The following ARFGEF3 variants were observed in gnomAD, a reference collection of about 807,000 sequenced individuals.
The protein encoded by ARFGEF3 is brefeldin A-inhibited guanine nucleotide-exchange protein 3.
ARFGEF3 carries 96 observed loss-of-function variants against 221.7 expected under a neutral mutation model. The ratio of observed to expected loss-of-function variants is 0.43; its 90% CI spans 0.37 to 0.51. The LOEUF is 0.51. Ranked by LOEUF, ARFGEF3 falls within the 20% of genes least tolerant of loss-of-function variation. ARFGEF3 has a pLI of 0.00. For missense variants in ARFGEF3, 2,410 were observed against 2,789.9 expected (o/e 0.86, Z 3.07); for synonymous variants, 1,145 against 1,126.8 (o/e 1.02, Z -0.32).
At position 138,226,618 on chromosome 6, in the gene ARFGEF3, A is replaced by G. The variant is rs954826610; in HGVS notation, c.352-3166A>G. Among the ~76,000 whole-genome samples, 4 of 152,128 alleles carry G rather than the reference A, an allele frequency of 2.6e-5. No homozygotes were observed. The East Asian group carries it at 7.7e-4, about 29-fold the overall frequency. ...ATATGCTTTAATGACCCTGTGAAGGATATATTTTTAATAAAATTGCCCTCA... is the reference window on the plus strand; with the variant it reads ...ATATGCTTTAATGACCCTGTGAAGGGTATATTTTTAATAAAATTGCCCTCA... On this transcript the variant is annotated intron_variant, in intron 4 of 33. Transcript: ENST00000251691.
chr6:138,284,929 C>T (rs1347417718), intron 14 of ARFGEF3, among the ~76,000 whole-genome samples: 25 of 152,186 alleles, frequency 1.6e-4, no homozygotes, highest in Non-Finnish European at 2.9e-5. Context: ...CTGTAAGCAG[C>T]TGTCATAACA....
rs76146978 is a variant in ARFGEF3, at chr6:138,257,640, T to C, written c.1104+1871T>C. On this transcript the variant is annotated intron_variant, in intron 10 of 33. Transcript: ENST00000251691. ...CCCACGGTCTTTTCCTGTATCATCCTTATCACTGGACATGACTCTCACATT... is the reference window on the plus strand; with the variant it reads ...CCCACGGTCTTTTCCTGTATCATCCCTATCACTGGACATGACTCTCACATT... Among the ~76,000 whole-genome samples the C allele has an allele frequency of 4.0e-3, 606 of 152,278 alleles. 7 individuals are homozygous for C. The highest frequency in any genetic ancestry group is 0.014 in the African/African-American group (575 of 41,556).
intron 2 of ARFGEF3, among the ~76,000 whole-genome samples, chr6:138,184,986 A>G (rs1425399727): frequency 6.6e-6 from 1 of 152,188 alleles, no homozygotes; most frequent in Non-Finnish European, 1.5e-5. Context: ...GCCTTCCATT[A>G]TTTTCCAATG....
intron 10 of ARFGEF3, among the ~76,000 whole-genome samples, chr6:138,258,670 A>G (rs1778731540): frequency 6.6e-6 from 1 of 152,258 alleles, no homozygotes; most frequent in Non-Finnish European, 1.5e-5. Flanking sequence ...TTTTGTATAT[A>G]GATTGCTTCT....
Position 138,262,565 on chromosome 6 carries a change from A to T in ARFGEF3, c.1218-136A>T, listed in dbSNP as rs77797832. 5.7e-3 allele frequency: 4,854 copies of T among 856,260 alleles called. 101 individuals carry two copies. The highest frequency in any genetic ancestry group is 0.041 in the East Asian group (1,574 of 38,346). The allele number at this position is 856,260 out of a possible 1,614,324, so 53.0% of individuals were successfully genotyped here. A position where few individuals can be genotyped will look rare whatever the true frequency, so the allele number is the denominator to read the frequency against. On this transcript the variant is annotated intron_variant, in intron 11 of 33. Transcript: ENST00000251691. ...TTTGTTTCTTTTATTCATTGCCCAG[A>T]CCATTTTGTTTTATTCAAATCAGAC...
chr6:138,204,802 C>T lies in ARFGEF3; in HGVS notation c.138-2240C>T, dbSNP rs76106431. ...TATCAATGCCTAGCATTTGGATTCA[C>T]GTCTGTGTGATTCCACAGCCCATGT... On this transcript the variant is annotated intron_variant, in intron 2 of 33. Transcript: ENST00000251691. 5.2e-4 allele frequency among the ~76,000 whole-genome samples: 79 copies of T among 152,310 alleles called. 3 individuals are homozygous for T. The highest frequency in any genetic ancestry group is 7.2e-5 in the African/African-American group (3 of 41,554).
At chr6:138,308,900 G>A in intron 24 of ARFGEF3, 39 bp downstream of exon 24, 1 of 1,613,178 alleles carries the variant, frequency 6.2e-7, no homozygotes, top group Middle Eastern at 1.7e-4. Context: ...TAACTGCTGA[G>A]GACCCTTTCC....
chr6:138,232,369 G>C (rs574199469), intron 5 of ARFGEF3, among the ~76,000 whole-genome samples: 1 of 152,312 alleles, frequency 6.6e-6, no homozygotes, highest in South Asian at 2.1e-4. Flanking sequence ...GCCAGGCGTG[G>C]TGGTGCATGC....
Position 138,287,428 on chromosome 6 carries a change from A to G in ARFGEF3, c.2896+244A>G, listed in dbSNP as rs75349655. ...CCCCTGGTGGCAAGGAAAGTGCAGC[A>G]GGCCCAGGGGGACCCACCTGGCTGA... On this transcript the variant is annotated intron_variant, in intron 17 of 33. Transcript: ENST00000251691. Among the ~76,000 whole-genome samples the G allele has an allele frequency of 1.8e-3, 268 of 152,320 alleles. 3 individuals carry two copies. The highest frequency in any genetic ancestry group is 6.3e-3 in the African/African-American group (260 of 41,580).
chr6:138,289,989 C>T (rs1420201078), intron 18 of ARFGEF3, 21 bp downstream of exon 18: 1 of 1,599,076 alleles, frequency 6.3e-7, no homozygotes, highest in Non-Finnish European at 8.5e-7. Context: ...GGCTCCCACC[C>T]CCAGATGGCA....
chr6:138,181,462 CAG>C (rs1397784529), intron 2 of ARFGEF3, among the ~76,000 whole-genome samples: 2 of 152,090 alleles, frequency 1.3e-5, no homozygotes, highest in African/African-American at 2.4e-5. Context: ...GTTTTTGAGA[CAG>C]AGTCTCACTC....
In ARFGEF3 at chr6:138,171,107, G is replaced by A. The variant is rs1024697868; in HGVS notation, c.137+394G>A. Reference sequence around the variant, plus strand: ...TCATTAGGCCTGACCTCCCAATACTGTTGCATTGGGGATTACGTTTCCAAC... The same window carrying A: ...TCATTAGGCCTGACCTCCCAATACTATTGCATTGGGGATTACGTTTCCAAC... On this transcript the variant is annotated intron_variant, in intron 2 of 33. Transcript: ENST00000251691. Among the ~76,000 whole-genome samples the A allele has an allele frequency of 3.9e-5, 6 of 151,964 alleles. 1 individual carries two copies. Among genetic ancestry groups the A allele is most frequent in the African/African-American group, 1.5e-4 (6 of 41,226 alleles).
intron 19 of ARFGEF3, among the ~76,000 whole-genome samples, chr6:138,293,243 G>T (rs867378262): frequency 1.3e-5 from 2 of 152,128 alleles, no homozygotes; most frequent in Non-Finnish European, 2.9e-5. Context: ...GCCATGGAAG[G>T]CTCACCTGGC....
chr6:138,242,828 G>C, intron 6 of ARFGEF3, 124 bp from the exon 7 acceptor site: 1 of 722,356 alleles, frequency 1.4e-6, no homozygotes, highest in Non-Finnish European at 2.5e-6. Flanking sequence ...GTGGGCTCAG[G>C]CAAGGTAGCC....
At chr6:138,265,618 GTGTC>G (rs1024739099) in intron 12 of ARFGEF3, among the ~76,000 whole-genome samples, 9 of 151,888 alleles carry the variant, frequency 5.9e-5, no homozygotes, top group South Asian at 2.1e-4. Flanking sequence ...GTGCATGTTT[GTGTC>G]TGTCTGTCTG....
At chr6:138,199,220 T>C (rs761899264) in intron 2 of ARFGEF3, among the ~76,000 whole-genome samples, 1 of 152,230 alleles carries the variant, frequency 6.6e-6, no homozygotes, top group Non-Finnish European at 1.5e-5. Flanking sequence ...AAAGTTATAA[T>C]TAAATAGTAA....
At chr6:138,203,925 G>A (rs1777582466) in intron 2 of ARFGEF3, among the ~76,000 whole-genome samples, 1 of 152,064 alleles carries the variant, frequency 6.6e-6, no homozygotes, top group South Asian at 2.1e-4. Flanking sequence ...ACAGGTGTGA[G>A]CCACCATACC....
At chr6:138,222,164 T>C (rs1205059943) in intron 4 of ARFGEF3, among the ~76,000 whole-genome samples, 3 of 152,166 alleles carry the variant, frequency 2.0e-5, no homozygotes, top group African/African-American at 7.2e-5. Flanking sequence ...AGCAGGGGCT[T>C]CCAATCTTTT....
intron 8 of ARFGEF3, among the ~76,000 whole-genome samples, chr6:138,246,506 C>A (rs542918733): frequency 1.3e-5 from 2 of 152,284 alleles, no homozygotes; most frequent in South Asian, 4.1e-4. Flanking sequence ...CTTTTGGTTT[C>A]TCAGAAATTT....
Sources: allele counts gnomAD v4.1 joint callset (sites outside exome capture counted in the v4.1 genomes callset), GRCh38; gene constraint gnomAD v4.1.1; transcripts MANE v1.5; gene names NCBI Gene and HGNC (gene_info 2026-07-23, HGNC 2026-07-21).